Variants in CRIPTO3 observed in about 807,000 individuals in gnomAD.
CRIPTO3 encodes the protein protein CRIPTO3.
chrX:110,522,018 C>G, the CRIPTO3 span: 2 of 405,530 alleles, frequency 4.9e-6, no homozygotes, highest in East Asian at 7.9e-5. Flanking sequence ...TGCAATGACG[C>G]GATCTCGGTT....
the CRIPTO3 span, chrX:110,522,515 C>T: frequency 9.1e-6 from 1 of 110,357 alleles, no homozygotes; most frequent in African/African-American, 3.3e-5. Context: ...AAAGAGGAAG[C>T]AAATAGAAGA....
the CRIPTO3 span, chrX:110,522,966 T>C: frequency 9.2e-6 from 1 of 108,387 alleles, no homozygotes. Flanking sequence ...TTCAGAACTC[T>C]GCTCTTCAGA....
chrX:110,521,240 T>C, the CRIPTO3 span: 1 of 1,167,345 alleles, frequency 8.6e-7, no homozygotes, highest in Admixed American at 2.2e-5. Flanking sequence ...AGGAATTTGC[T>C]CGTCCATCTC....
the CRIPTO3 span, chrX:110,522,016 C>T: frequency 1.5e-5 from 6 of 405,980 alleles, no homozygotes; most frequent in Admixed American, 1.4e-4. Context: ...ACTGCAATGA[C>T]GCGATCTCGG....
the CRIPTO3 span, chrX:110,521,889 C>G: frequency 2.2e-6 from 1 of 452,986 alleles, no homozygotes; most frequent in Non-Finnish European, 3.8e-6. Flanking sequence ...TTGCCCTGCC[C>G]TCTCCCAAAA....
the CRIPTO3 span, chrX:110,522,875 G>A: frequency 5.0e-5 from 5 of 100,277 alleles, no homozygotes; most frequent in African/African-American, 1.9e-4. Context: ...GTATATACGT[G>A]TATGCACAGT....
the CRIPTO3 span, chrX:110,522,187 T>A: frequency 9.3e-6 from 2 of 216,119 alleles, no homozygotes; most frequent in Admixed American, 1.3e-4. Flanking sequence ...CTCGAACTCC[T>A]GACCTTGTGA....
chrX:110,521,111 C>G, the CRIPTO3 span: 1 of 1,142,429 alleles, frequency 8.8e-7, no homozygotes, highest in Non-Finnish European at 1.2e-6. Flanking sequence ...GCCTCTTTTC[C>G]CCCTAATTGT....
chrX:110,522,557 T>C, the CRIPTO3 span: 1 of 110,448 alleles, frequency 9.1e-6, no homozygotes, highest in Non-Finnish European at 1.9e-5. Context: ...GGTTACTTGA[T>C]TGGTGATTAG....
the CRIPTO3 span, chrX:110,521,587 T>TG: frequency 8.2e-7 from 1 of 1,212,258 alleles, no homozygotes; most frequent in Non-Finnish European, 1.1e-6. Context: ...GATGGCCTTG[T>TG]GATGGATGAG....
At chrX:110,522,608 C>A in the CRIPTO3 span, 1 of 110,877 alleles carries the variant, frequency 9.0e-6, no homozygotes, top group African/African-American at 3.3e-5. Flanking sequence ...AATGGAAGGG[C>A]AAGTTTCCAT....
At chrX:110,521,090 G>A in the CRIPTO3 span, 1 of 1,113,130 alleles carries the variant, frequency 9.0e-7, no homozygotes, top group South Asian at 1.8e-5. Context: ...CTGAATTAAA[G>A]CGATGCTAAC....
At chrX:110,522,715 A>G in the CRIPTO3 span, 1 of 111,192 alleles carries the variant, frequency 9.0e-6, no homozygotes, top group Non-Finnish European at 1.9e-5. Flanking sequence ...TTATACCTCA[A>G]TGTCCCCAAC....
the CRIPTO3 span, chrX:110,521,695 A>G: frequency 1.7e-5 from 20 of 1,173,711 alleles, no homozygotes; most frequent in East Asian, 1.8e-4. Context: ...AGCTACTATT[A>G]ATCGACATTG....
At chrX:110,522,214 T>C in the CRIPTO3 span, 1 of 181,534 alleles carries the variant, frequency 5.5e-6, no homozygotes, top group African/African-American at 3.0e-5. Context: ...CGCCTCGGCC[T>C]CTCGAAGTGC....
the CRIPTO3 span, chrX:110,521,255 A>T: frequency 3.4e-6 from 4 of 1,176,703 alleles, no homozygotes; most frequent in Admixed American, 6.5e-5. Context: ...CATCTCGGGG[A>T]GACCTGGCCT....
chrX:110,521,609 T>C, the CRIPTO3 span: 1 of 1,212,190 alleles, frequency 8.2e-7, no homozygotes, highest in Non-Finnish European at 1.1e-6. Flanking sequence ...ACCTCGTGGC[T>C]TCCAGGACTC....
the CRIPTO3 span, chrX:110,522,742 TTG>T: frequency 7.2e-5 from 8 of 111,324 alleles, no homozygotes; most frequent in Non-Finnish European, 1.3e-4. Flanking sequence ...GCTTAATAAA[TTG>T]TGTTTCCTCC....
chrX:110,521,456 T>C, the CRIPTO3 span: 1 of 1,211,587 alleles, frequency 8.3e-7, no homozygotes, highest in South Asian at 1.8e-5. Context: ...GTGAGCACGA[T>C]GTGCGCAAAG....
Sources: gnomAD v4.1 joint callset for allele counts on GRCh38, gnomAD v4.1.1 for gene constraint, MANE v1.5 for transcripts, NCBI Gene and HGNC (gene_info 2026-07-23, HGNC 2026-07-21) for gene names.